The following VWCE variants were observed in gnomAD, a reference collection of about 807,000 sequenced individuals.
The protein encoded by VWCE is von Willebrand factor C and EGF domains.
Under a neutral mutation model 102.9 loss-of-function variants are expected in VWCE, and 68 were observed. The ratio of observed to expected loss-of-function variants is 0.66; its 90% CI spans 0.54 to 0.81. The LOEUF is 0.81. Among genes scored for constraint, VWCE ranks in the 30% least tolerant of loss-of-function variants. The pLI, the probability that VWCE is intolerant of heterozygous loss-of-function variation, is 0.00. For synonymous variants in VWCE, 497 were observed against 515.4 expected, an observed-to-expected ratio of 0.96 and a Z score of 0.48; for missense variants, 1,137 against 1,263.6, an observed-to-expected ratio of 0.90 and a Z score of 1.52.
chr11:61,264,922 C>T (rs778373438), intron 18 of VWCE, 34 bp downstream of exon 18: 6 of 1,609,188 alleles, frequency 3.7e-6, no homozygotes, highest in East Asian at 4.5e-5. Context: ...TGCCCTCTGG[C>T]GGGGCCGCTC....
At chr11:61,269,255 C>T (rs909438900) in intron 14 of VWCE, 21 of 523,824 alleles carry the variant, frequency 4.0e-5, no homozygotes, top group Non-Finnish European at 6.9e-5. Flanking sequence ...GGTTGGGATT[C>T]TGGTCTCCTC....
chr11:61,261,040 C>T (rs1854342197), intron 19 of VWCE, among the ~76,000 whole-genome samples: 1 of 152,026 alleles, frequency 6.6e-6, no homozygotes, highest in African/African-American at 2.4e-5. Context: ...TCCTGGCCAA[C>T]ATGGTGAAAC....
chr11:61,269,159 T>A, intron 14 of VWCE, 141 bp from the exon 15 acceptor site: 1 of 720,804 alleles, frequency 1.4e-6, no homozygotes. Context: ...AGATGGCAGG[T>A]CTCCCCTAAA....
chr11:61,271,307 G>A (rs572664860), intron 14 of VWCE: 11 of 213,166 alleles, frequency 5.2e-5, no homozygotes, highest in Non-Finnish European at 7.7e-5. Flanking sequence ...CACCACGCTC[G>A]GCTAATATTT....
At chr11:61,275,911 C>T (rs1462914045) in intron 11 of VWCE, among the ~76,000 whole-genome samples, 2 of 152,242 alleles carry the variant, frequency 1.3e-5, no homozygotes, top group Non-Finnish European at 2.9e-5. Context: ...GCTGAAGGTG[C>T]CTCCTAAGGC....
In VWCE at chr11:61,258,584, C is replaced by T; in HGVS notation, c.*91G>A. The T allele has an allele frequency of 7.9e-7, 1 of 1,269,064 alleles. No individual in the cohort carries two copies. Among genetic ancestry groups the T allele is most frequent in the Non-Finnish European group, 1.0e-6 (1 of 993,440 alleles). The allele number at this position is 1,269,064 out of a possible 1,614,324, so 78.6% of individuals were successfully genotyped here. ...CCTGCAGGAGGGAGCCCAGGCATCC[C>T]CACCAGGTTCATCCTTGGAGCTGCC... On this transcript the variant is annotated 3_prime_UTR_variant, in exon 20 of 20. Transcript: ENST00000335613.
At position 61,277,349 on chromosome 11, in the gene VWCE, C is replaced by T. The variant is rs370481060; in HGVS notation, c.1408-669G>A. ...CATGACCCGGTGCAGTGGCTCATCC[C>T]TGTAATCCCAGCATTTTGGGAGGCC... On this transcript the variant is annotated intron_variant, in intron 10 of 19. Coordinates refer to ENST00000335613, the MANE Select transcript of VWCE (RefSeq NM_152718.2). Among the ~76,000 whole-genome samples the T allele has an allele frequency of 1.9e-4, 29 of 151,396 alleles. No individual in the cohort carries two copies. In the East Asian group the frequency reaches 3.5e-3, roughly 18 times the overall value.
At chr11:61,278,352 A>G (rs948325305) in intron 10 of VWCE, 42 bp downstream of exon 10, 34 of 1,607,012 alleles carry the variant, frequency 2.1e-5, no homozygotes, top group Middle Eastern at 1.6e-4. Context: ...CCCAAAGGTT[A>G]AGAAAACACC....
At chr11:61,290,003 A>C (rs1044845855) in intron 4 of VWCE, among the ~76,000 whole-genome samples, 2 of 152,256 alleles carry the variant, frequency 1.3e-5, no homozygotes, top group Non-Finnish European at 2.9e-5. Context: ...TTTAAAAATC[A>C]CAAGCAAATA....
intron 19 of VWCE, 94 bp downstream of exon 19, chr11:61,264,393 C>G: frequency 7.7e-7 from 1 of 1,303,938 alleles, no homozygotes; most frequent in Non-Finnish European, 1.1e-6. Flanking sequence ...ATGGCTTTCT[C>G]TTATCCAGCC....
At chr11:61,280,590 C>T (rs1855088885) in intron 9 of VWCE, 34 bp downstream of exon 9, 1 of 1,602,334 alleles carries the variant, frequency 6.2e-7, no homozygotes, top group African/African-American at 1.3e-5. Context: ...AAGGAAGAGG[C>T]AGGACTATGT....
intron 10 of VWCE, among the ~76,000 whole-genome samples, chr11:61,277,079 G>A (rs571272883): frequency 6.2e-5 from 9 of 144,040 alleles, no homozygotes; most frequent in African/African-American, 1.8e-4. Flanking sequence ...AGGGAAGGGA[G>A]AGAGGAAGGA....
rs1371597602 is a variant in VWCE at position 61,267,512 on chromosome 11, T to C, written c.1915A>G (p.Asn639Asp). The change falls in exon 16 of 20, where the codon AAC (asparagine) becomes GAC (aspartate). Residue 639 changes from asparagine to aspartate, a missense_variant. Transcript: ENST00000335613. ...TCCAGCACAGACGGGAAGGTCTCGT[T>C]GTTATAGAAGATTCTGCCTGTGTAG... is the stretch of plus-strand genomic sequence containing the variant. ...CTYTGRIFYN[N>D]ETFPSVLDPC... 6.2e-7 allele frequency: 1 copy of C among 1,614,016 alleles called. No homozygotes were observed. Among genetic ancestry groups the C allele is most frequent in the East Asian group, 2.2e-5 (1 of 44,868 alleles).
chr11:61,290,045 G>A (rs892142211), intron 4 of VWCE, among the ~76,000 whole-genome samples: 6 of 152,148 alleles, frequency 3.9e-5, no homozygotes, highest in Admixed American at 6.5e-5. Context: ...TGAGTTTAGC[G>A]TCCCTCATCT....
intron 4 of VWCE, among the ~76,000 whole-genome samples, 179 bp downstream of exon 4, chr11:61,290,620 A>G (rs150536748): frequency 2.0e-5 from 3 of 152,194 alleles, no homozygotes; most frequent in African/African-American, 7.2e-5. Flanking sequence ...ATAATTGTAA[A>G]ATAACAGAAG....
At chr11:61,289,868 G>A (rs1294483705) in intron 4 of VWCE, among the ~76,000 whole-genome samples, 1 of 152,104 alleles carries the variant, frequency 6.6e-6, no homozygotes, top group Non-Finnish European at 1.5e-5. Context: ...CTATTCAGGG[G>A]GAGAAATATT....
At position 61,259,397 on chromosome 11, in the gene VWCE, C is replaced by T. The variant is rs550881894; in HGVS notation, c.2231-85G>A. On this transcript the variant is annotated intron_variant, in intron 19 of 19. Transcript: ENST00000335613. Reference sequence around the variant, plus strand: ...CTGGGACAAGGTATACCAGGGACACCCAAGCTCTGTCCTCAGAGGGGCCTC... The same window carrying T: ...CTGGGACAAGGTATACCAGGGACACTCAAGCTCTGTCCTCAGAGGGGCCTC... 83 of 1,483,956 alleles carry T rather than the reference C, an allele frequency of 5.6e-5. No individual in the cohort carries two copies. In the East Asian group the frequency reaches 1.9e-3, roughly 34 times the overall value. 91.9% of individuals were successfully genotyped at this position (1,483,956 alleles called of 1,614,324 possible). A position where few individuals can be genotyped will look rare whatever the true frequency, so the allele number is the denominator to read the frequency against.
At chr11:61,291,610 A>G (rs1259958262) in intron 1 of VWCE, 34 bp from the exon 2 acceptor site, 1 of 1,395,630 alleles carries the variant, frequency 7.2e-7, no homozygotes, top group Admixed American at 3.2e-5. Flanking sequence ...TCCTCATTCT[A>G]TACTGGGGGA....
At position 61,282,920 on chromosome 11, in the gene VWCE, G is replaced by A; in HGVS notation, c.542-15C>T. The A allele has an allele frequency of 6.2e-7, 1 of 1,603,042 alleles. No homozygotes were observed. The highest frequency in any genetic ancestry group is 1.1e-5 in the South Asian group (1 of 90,826). ...TTCGTCAGTGTCTGGCAGGAAAAGGGACAAGACTGGGGTTCATTTCCCCAA... is the reference window on the plus strand; with the variant it reads ...TTCGTCAGTGTCTGGCAGGAAAAGGAACAAGACTGGGGTTCATTTCCCCAA... On this transcript the variant is annotated splice_polypyrimidine_tract_variant and intron_variant, in intron 5 of 19. Coordinates refer to ENST00000335613, the MANE Select transcript of VWCE (RefSeq NM_152718.2).
Sources: allele counts gnomAD v4.1 joint callset (sites outside exome capture counted in the v4.1 genomes callset), GRCh38; gene constraint gnomAD v4.1.1; transcripts MANE v1.5; gene names NCBI Gene and HGNC (gene_info 2026-07-23, HGNC 2026-07-21).